SPAST: variants seen among roughly 807,000 people sequenced by gnomAD.
The protein encoded by SPAST is spastic paraplegia 4 (autosomal dominant; spastin).
In SPAST, 30 loss-of-function variants were observed where a neutral mutation model predicts 76.6. The ratio of observed to expected loss-of-function variants is 0.39; its 90% CI spans 0.29 to 0.53. The LOEUF (loss-of-function observed/expected upper bound fraction) is 0.53, where lower values mean the gene tolerates loss of function less well. SPAST is among the 20% of genes least tolerant of loss of function. SPAST has a pLI of 0.68. For synonymous variants in SPAST, 305 were observed against 281.0 expected (o/e 1.09, Z -0.86); for missense variants, 717 against 770.5 (o/e 0.93, Z 0.82).
chr2:32,124,385 A>T (rs975693897), intron 7 of SPAST, among the ~76,000 whole-genome samples: 2 of 152,190 alleles, frequency 1.3e-5, no homozygotes, highest in African/African-American at 2.4e-5. Flanking sequence ...TCTGGCAGGG[A>T]TGTGGAGCAG....
chr2:32,101,369 G>T (rs1483415039), intron 4 of SPAST, among the ~76,000 whole-genome samples: 1 of 152,066 alleles, frequency 6.6e-6, no homozygotes, highest in Non-Finnish European at 1.5e-5. Context: ...TCAGCCCTTT[G>T]TCAGATGGGT....
At chr2:32,108,408 T>C (rs965649351) in intron 4 of SPAST, among the ~76,000 whole-genome samples, 3 of 152,192 alleles carry the variant, frequency 2.0e-5, no homozygotes, top group Admixed American at 1.3e-4. Context: ...CTCTTTTTGC[T>C]ATTTTTTCTC....
intron 3 of SPAST, among the ~76,000 whole-genome samples, chr2:32,089,921 G>C (rs1017374223): frequency 2.0e-4 from 30 of 152,110 alleles, no homozygotes; most frequent in African/African-American, 6.7e-4. Context: ...CCGCCACCAC[G>C]CCCCGCTAAT....
intron 7 of SPAST, among the ~76,000 whole-genome samples, chr2:32,122,873 A>C (rs1184057567): frequency 3.3e-5 from 5 of 152,208 alleles, no homozygotes; most frequent in South Asian, 4.1e-4. Flanking sequence ...TCCTAGAACT[A>C]ATAAGTGATT....
At chr2:32,116,246 C>G (rs765161489) in intron 7 of SPAST, 34 bp downstream of exon 7, 2 of 1,321,164 alleles carry the variant, frequency 1.5e-6, no homozygotes, top group African/African-American at 1.4e-5. Flanking sequence ...TTCTATAATA[C>G]CATCTGTTAC....
chr2:32,078,972 G>C (rs1285918504), intron 1 of SPAST, among the ~76,000 whole-genome samples: 2 of 151,902 alleles, frequency 1.3e-5, no homozygotes, highest in Admixed American at 6.6e-5. Flanking sequence ...CAAGTAGCTG[G>C]GACTACAGGT....
intron 4 of SPAST, among the ~76,000 whole-genome samples, chr2:32,100,655 C>G (rs904530712): frequency 6.6e-6 from 1 of 152,072 alleles, no homozygotes; most frequent in Non-Finnish European, 1.5e-5. Context: ...GTTCCCCACC[C>G]TGTGTCCAAG....
chr2:32,148,627 G>GC (rs1378291094), intron 16 of SPAST, among the ~76,000 whole-genome samples: 1 of 152,144 alleles, frequency 6.6e-6, no homozygotes, highest in African/African-American at 2.4e-5. Flanking sequence ...GGCTAACATG[G>GC]TGAAACCCTG....
At chr2:32,077,930 C>G (rs957084543) in intron 1 of SPAST, 2 of 151,422 alleles carry the variant, frequency 1.3e-5, no homozygotes, top group Non-Finnish European at 2.9e-5. Context: ...GCCAGGAGTT[C>G]GAGACTAGCC....
intron 1 of SPAST, among the ~76,000 whole-genome samples, chr2:32,080,979 A>C (rs1677198729): frequency 6.8e-6 from 1 of 146,222 alleles, no homozygotes; most frequent in Non-Finnish European, 1.5e-5. Context: ...TTTTTTCAAG[A>C]CAGAGTTTCG....
At chr2:32,139,573 A>G (rs1679648438) in intron 12 of SPAST, among the ~76,000 whole-genome samples, 1 of 152,212 alleles carries the variant, frequency 6.6e-6, no homozygotes, top group Non-Finnish European at 1.5e-5. Flanking sequence ...CATGCCTGTA[A>G]TCCCAGCACT....
intron 16 of SPAST, among the ~76,000 whole-genome samples, chr2:32,150,951 C>CTTTTTTTTT (rs113065520): frequency 0.35 from 49,714 of 141,348 alleles, 9,128 homozygotes; most frequent in East Asian, 0.61. Flanking sequence ...CTACTGTATA[C>CTTTTTTTTT]TTTTTTTTTT....
At chr2:32,116,050 C>CT (rs1484983032) in intron 6 of SPAST, 69 bp from the exon 7 acceptor site, 1 of 1,173,986 alleles carries the variant, frequency 8.5e-7, no homozygotes, top group Non-Finnish European at 1.3e-6. Flanking sequence ...TGTCATAGGG[C>CT]TTAGGCTTCA....
At chr2:32,106,280 C>T (rs965942489) in intron 4 of SPAST, among the ~76,000 whole-genome samples, 1 of 152,160 alleles carries the variant, frequency 6.6e-6, no homozygotes, top group Non-Finnish European at 1.5e-5. Context: ...GATATAATCT[C>T]CTGGTGTGCC....
intron 4 of SPAST, among the ~76,000 whole-genome samples, chr2:32,106,777 C>T (rs1273300310): frequency 1.3e-5 from 2 of 151,990 alleles, no homozygotes; most frequent in African/African-American, 2.4e-5. Context: ...TTCCCTCTTC[C>T]CATTCCTTCC....
chr2:32,095,059 A>G (rs1211485565), intron 3 of SPAST, among the ~76,000 whole-genome samples: 2 of 152,200 alleles, frequency 1.3e-5, no homozygotes, highest in African/African-American at 4.8e-5. Context: ...TGCATTATAG[A>G]CTCTAAGGGT....
At chr2:32,151,640 T>G (rs1156668685) in intron 16 of SPAST, among the ~76,000 whole-genome samples, 1 of 152,192 alleles carries the variant, frequency 6.6e-6, no homozygotes, top group Non-Finnish European at 1.5e-5. Flanking sequence ...TCGCACACAG[T>G]GGCTCACGCC....
chr2:32,112,626 G>T (rs536151277), intron 4 of SPAST, among the ~76,000 whole-genome samples: 1 of 151,644 alleles, frequency 6.6e-6, no homozygotes, highest in Non-Finnish European at 1.5e-5. Flanking sequence ...GATTACAGGC[G>T]TAAGCCACCA....
chr2:32,068,205 C>T (rs1192771776), intron 1 of SPAST, among the ~76,000 whole-genome samples: 1 of 152,028 alleles, frequency 6.6e-6, no homozygotes, highest in Non-Finnish European at 1.5e-5. Context: ...GTCTCGATCT[C>T]CTGACCTCGT....
Sources: allele counts gnomAD v4.1 joint callset (sites outside exome capture counted in the v4.1 genomes callset), GRCh38; gene constraint gnomAD v4.1.1; transcripts MANE v1.5; gene names NCBI Gene and HGNC (gene_info 2026-07-23, HGNC 2026-07-21).